PIGF: variants seen among roughly 807,000 people sequenced by gnomAD.
PIGF encodes phosphatidylinositol glycan anchor biosynthesis class F, also known as GPI ethanolamine phosphate transferase, stabilizing subunit.
In PIGF, 23 loss-of-function variants were observed where a neutral mutation model predicts 26.0. That is an observed-to-expected ratio of 0.88 (90% CI 0.64 to 1.25). The LOEUF (loss-of-function observed/expected upper bound fraction) is 1.25, where lower values mean the gene tolerates loss of function less well. Ranked by LOEUF, PIGF falls within the 50% of genes most tolerant of loss-of-function variation. PIGF has a pLI of 0.00. For synonymous variants in PIGF, 93 were observed against 92.6 expected, an observed-to-expected ratio of 1.00 and a Z score of -0.03; for missense variants, 278 against 249.9, an observed-to-expected ratio of 1.11 and a Z score of -0.76.
At chr2:46,593,134 CTTT>C (rs71397007) in intron 4 of PIGF, among the ~76,000 whole-genome samples, 1 of 132,304 alleles carries the variant, frequency 7.6e-6, no homozygotes. Context: ...ACCAGTCTTT[CTTT>C]TTTTTTTTTT....
At chr2:46,608,618 A>G (rs1448265610) in intron 4 of PIGF, among the ~76,000 whole-genome samples, 2 of 152,360 alleles carry the variant, frequency 1.3e-5, no homozygotes, top group African/African-American at 2.4e-5. Context: ...TTCTTAAGTA[A>G]TAAGACTTGA....
chr2:46,586,143 C>G (rs925530478), intron 5 of PIGF, among the ~76,000 whole-genome samples: 2 of 152,184 alleles, frequency 1.3e-5, no homozygotes, highest in African/African-American at 4.8e-5. Flanking sequence ...AATTCAGGAG[C>G]TGTACAACAT....
intron 5 of PIGF, among the ~76,000 whole-genome samples, chr2:46,587,635 A>C (rs1353771306): frequency 6.6e-6 from 1 of 152,220 alleles, no homozygotes; most frequent in African/African-American, 2.4e-5. Context: ...CGTAAGAAAT[A>C]AGCATCCTAG....
At chr2:46,608,441 G>C (rs1024122838) in intron 4 of PIGF, among the ~76,000 whole-genome samples, 1 of 152,298 alleles carries the variant, frequency 6.6e-6, no homozygotes, top group Middle Eastern at 3.4e-3. Context: ...ATGAGGAATG[G>C]AATCAGCTTC....
chr2:46,613,854 T>C, intron 2 of PIGF, 69 bp from the exon 3 acceptor site: 1 of 1,305,774 alleles, frequency 7.7e-7, no homozygotes, highest in South Asian at 1.4e-5. Context: ...TTCCATTTCA[T>C]CTACAAACAC....
chr2:46,594,128 T>G (rs1185621469), intron 4 of PIGF, among the ~76,000 whole-genome samples: 3 of 152,212 alleles, frequency 2.0e-5, no homozygotes, highest in Non-Finnish European at 4.4e-5. Flanking sequence ...TGTGTTCCAA[T>G]GTTGGAAGGA....
intron 5 of PIGF, among the ~76,000 whole-genome samples, chr2:46,587,626 G>A (rs369296088): frequency 7.8e-4 from 118 of 152,104 alleles, no homozygotes; most frequent in Non-Finnish European, 2.5e-4. Flanking sequence ...TTTTACCTTC[G>A]TAAGAAATAA....
At chr2:46,582,852 A>G (rs1669445317) in intron 5 of PIGF, 1 of 152,570 alleles carries the variant, frequency 6.6e-6, no homozygotes, top group Non-Finnish European at 1.5e-5. Flanking sequence ...GAGTGGAGAG[A>G]GTCTACTGGA....
intron 1 of PIGF, 81 bp from the exon 2 acceptor site, chr2:46,615,266 G>T: frequency 1.5e-6 from 1 of 656,112 alleles, no homozygotes; most frequent in Non-Finnish European, 2.7e-6. Flanking sequence ...CTAAAAATAG[G>T]TCATAAAGTC....
At chr2:46,612,709 C>A (rs1338096208) in intron 3 of PIGF, among the ~76,000 whole-genome samples, 1 of 151,964 alleles carries the variant, frequency 6.6e-6, no homozygotes, top group African/African-American at 2.4e-5. Flanking sequence ...ACTATTGAAC[C>A]ACTATTGAAC....
chr2:46,598,720 T>C (rs1173849404), intron 4 of PIGF, among the ~76,000 whole-genome samples: 1 of 152,090 alleles, frequency 6.6e-6, no homozygotes. Flanking sequence ...AGTTATAGCT[T>C]CTTTTTGATG....
chr2:46,601,038 C>T (rs2104106030), intron 4 of PIGF, among the ~76,000 whole-genome samples: 1 of 151,904 alleles, frequency 6.6e-6, no homozygotes, highest in South Asian at 2.1e-4. Flanking sequence ...TTACTACAAA[C>T]ATTTATATAC....
intron 5 of PIGF, among the ~76,000 whole-genome samples, chr2:46,583,882 T>G (rs1220972200): frequency 6.6e-6 from 1 of 152,176 alleles, no homozygotes; most frequent in Non-Finnish European, 1.5e-5. Context: ...AGTTAATCAG[T>G]GTTTGCATAT....
chr2:46,596,614 A>C (rs1435785331), intron 4 of PIGF, among the ~76,000 whole-genome samples: 1 of 152,110 alleles, frequency 6.6e-6, no homozygotes, highest in African/African-American at 2.4e-5. Flanking sequence ...GTCTGCTCCA[A>C]GACAGATATT....
chr2:46,607,266 C>A (rs1323602285), intron 4 of PIGF, among the ~76,000 whole-genome samples: 3 of 152,196 alleles, frequency 2.0e-5, no homozygotes, highest in African/African-American at 7.2e-5. Flanking sequence ...CTCATCACTT[C>A]GCAATAACTC....
intron 4 of PIGF, among the ~76,000 whole-genome samples, chr2:46,599,257 ATTAG>A (rs1558705029): frequency 6.6e-6 from 1 of 152,176 alleles, no homozygotes; most frequent in African/African-American, 2.4e-5. Context: ...CATTGCTTGT[ATTAG>A]TTTTTATTTA....
chr2:46,615,502 C>G (rs528771574), intron 1 of PIGF: 1 of 185,574 alleles, frequency 5.4e-6, no homozygotes, highest in East Asian at 1.4e-4. Context: ...ACTTTTTTGG[C>G]CAATATCAAA....
Position 46,588,166 on chromosome 2 carries a change from C to T in PIGF, c.546+4309G>A. The T allele has an allele frequency of 1.2e-6, 2 of 1,612,432 alleles. No individual in the cohort carries two copies. The highest frequency in any genetic ancestry group is 1.7e-6 in the Non-Finnish European group (2 of 1,179,246). ...GAGAGATCTATAAGTGCTACGTTTTCTTTCTACTGTCATCTGAAATGTCAG... is the reference window on the plus strand; with the variant it reads ...GAGAGATCTATAAGTGCTACGTTTTTTTTCTACTGTCATCTGAAATGTCAG... On this transcript the variant is annotated intron_variant, in intron 5 of 5. Transcript: ENST00000281382. The surrounding 1 kb of genome is among the most constrained non-coding windows in gnomAD (Gnocchi z 4.1).
At chr2:46,609,829 A>G (rs1191611806) in intron 4 of PIGF, among the ~76,000 whole-genome samples, 1 of 152,180 alleles carries the variant, frequency 6.6e-6, no homozygotes, top group Non-Finnish European at 1.5e-5. Flanking sequence ...ACAATTACAA[A>G]AAGTAACAGC....
Sources: allele counts gnomAD v4.1 joint callset (sites outside exome capture counted in the v4.1 genomes callset), GRCh38; gene constraint gnomAD v4.1.1; non-coding constraint Gnocchi (gnomAD v3.1); transcripts MANE v1.5; gene names NCBI Gene and HGNC (gene_info 2026-07-23, HGNC 2026-07-21).